Variants in RBFOX1 observed in about 807,000 individuals in gnomAD.
RBFOX1 encodes RNA binding protein fox-1 homolog 1.
Under a neutral mutation model 57.7 loss-of-function variants are expected in RBFOX1, and 8 were observed. The observed-to-expected ratio is 0.14, with a 90% CI of 0.08 to 0.25. The LOEUF (loss-of-function observed/expected upper bound fraction) is 0.25. Among genes scored for constraint, RBFOX1 ranks in the 10% least tolerant of loss-of-function variants. RBFOX1 has a pLI of 1.00. For missense variants in RBFOX1, 611 were observed against 548.5 expected (o/e 1.11, Z -1.14); for synonymous variants, 326 against 222.4 (o/e 1.47, Z -4.15).
Position 7,551,651 on chromosome 16 carries a change from G to C in RBFOX1, c.271-28126G>C, listed in dbSNP as rs997638218. On this transcript the variant is annotated intron_variant, in intron 5 of 15. Coordinates refer to ENST00000550418, the MANE Select transcript of RBFOX1 (RefSeq NM_018723.4). Reference sequence around the variant, plus strand: ...TGGAATACTGTGACCTGGAGGAGCAGGTAGGAGTTACTCTAGCTGGTTCAG... The same window carrying C: ...TGGAATACTGTGACCTGGAGGAGCACGTAGGAGTTACTCTAGCTGGTTCAG... Among the ~76,000 whole-genome samples the C allele has an allele frequency of 7.2e-5, 11 of 152,304 alleles. No individual in the cohort carries two copies. The East Asian group carries it at 1.9e-3, about 27-fold the overall frequency.
chr16:5,488,849 G>A (rs1334584510), intron 2 of RBFOX1, among the ~76,000 whole-genome samples: 1 of 152,126 alleles, frequency 6.6e-6, no homozygotes, highest in Admixed American at 6.6e-5. Context: ...GGGGTGTGAT[G>A]GTGATGATAA....
chr16:5,486,956 C>T (rs1287117454), intron 2 of RBFOX1, among the ~76,000 whole-genome samples: 1 of 152,206 alleles, frequency 6.6e-6, no homozygotes, highest in Non-Finnish European at 1.5e-5. Flanking sequence ...ATGCTCACCT[C>T]AGTGGAGACT....
At position 7,568,035 on chromosome 16, in the gene RBFOX1, A is replaced by G. The variant is rs1447703189; in HGVS notation, c.271-11742A>G. On this transcript the variant is annotated intron_variant, in intron 5 of 15. Transcript: ENST00000550418. Reference sequence around the variant, plus strand: ...ATGTATTTGAAACTTAGTTGACTCAATAATATTCCTCATTTCAAAGGATTC... The same window carrying G: ...ATGTATTTGAAACTTAGTTGACTCAGTAATATTCCTCATTTCAAAGGATTC... 3.3e-5 allele frequency among the ~76,000 whole-genome samples: 5 copies of G among 152,050 alleles called. No individual in the cohort carries two copies. The East Asian group carries it at 5.8e-4, about 18-fold the overall frequency.
At chr16:6,557,092 TACATATATAC>T (rs2097113319) in intron 2 of RBFOX1, among the ~76,000 whole-genome samples, 7 of 145,730 alleles carry the variant, frequency 4.8e-5, no homozygotes, top group African/African-American at 1.8e-4. Flanking sequence ...TACATACATA[TACATATATAC>T]ATACATATAT....
chr16:7,006,713 G>A (rs8049670), intron 3 of RBFOX1, among the ~76,000 whole-genome samples: 28,570 of 152,074 alleles, frequency 0.19, 5,403 homozygotes, highest in African/African-American at 0.48. Context: ...CTCCCAATGT[G>A]CTGGGATTAC....
At chr16:7,229,224 T>G (rs1440721690) in intron 4 of RBFOX1, among the ~76,000 whole-genome samples, 2 of 152,228 alleles carry the variant, frequency 1.3e-5, no homozygotes, top group African/African-American at 4.8e-5. Flanking sequence ...GTCCCAGTGA[T>G]GCATTGCAAT....
intron 3 of RBFOX1, among the ~76,000 whole-genome samples, chr16:6,900,842 T>C (rs762605943): frequency 6.6e-6 from 1 of 152,184 alleles, no homozygotes; most frequent in African/African-American, 2.4e-5. Flanking sequence ...TGTTGAGTGT[T>C]TGTCTTTGTG....
At chr16:5,876,161 T>C (rs1019958986) in intron 4 of RBFOX1, among the ~76,000 whole-genome samples, 5 of 152,032 alleles carry the variant, frequency 3.3e-5, no homozygotes, top group Admixed American at 1.3e-4. Flanking sequence ...AATTTTTACC[T>C]TGCATTGGGG....
chr16:7,411,913 A>T (rs113594491), intron 4 of RBFOX1, among the ~76,000 whole-genome samples: 1 of 151,354 alleles, frequency 6.6e-6, no homozygotes, highest in Non-Finnish European at 1.5e-5. Context: ...AAAAAAAAAA[A>T]AAAAAAAAAA....
chr16:6,998,218 C>T (rs1303401911), intron 3 of RBFOX1, among the ~76,000 whole-genome samples: 1 of 152,078 alleles, frequency 6.6e-6, no homozygotes, highest in African/African-American at 2.4e-5. Flanking sequence ...AGCTATGAAG[C>T]ATTTATATAT....
At chr16:6,916,000 A>C (rs899358593) in intron 3 of RBFOX1, among the ~76,000 whole-genome samples, 5 of 142,202 alleles carry the variant, frequency 3.5e-5, no homozygotes, top group African/African-American at 1.2e-4. Context: ...AAGCTGTTTT[A>C]CTGGGAAAAC....
At chr16:6,640,651 C>T (rs890122736) in intron 2 of RBFOX1, among the ~76,000 whole-genome samples, 1 of 151,918 alleles carries the variant, frequency 6.6e-6, no homozygotes, top group East Asian at 1.9e-4. Context: ...CTTTATAGAG[C>T]CAGTGTGGGA....
At chr16:5,619,351 G>T (rs2048137530) in intron 3 of RBFOX1, among the ~76,000 whole-genome samples, 1 of 152,098 alleles carries the variant, frequency 6.6e-6, no homozygotes, top group Non-Finnish European at 1.5e-5. Context: ...CCCAGGGACG[G>T]GCATGTTCAA....
At chr16:7,635,302 C>T (rs905631706) in intron 11 of RBFOX1, among the ~76,000 whole-genome samples, 1 of 152,224 alleles carries the variant, frequency 6.6e-6, no homozygotes, top group Non-Finnish European at 1.5e-5. Context: ...TCCTTATTTA[C>T]ATATGAAGTA....
At position 6,021,458 on chromosome 16, in the gene RBFOX1, G is replaced by A. The variant is rs534716920; in HGVS notation, c.-127+1466G>A. On this transcript the variant is annotated intron_variant, in intron 1 of 15. Transcript: ENST00000550418. ...TTTATTTTTAGCTAAGATCTTTTAT[G>A]TTCAGAAGCAAAGGACCTGGGGCCT... 1.2e-4 allele frequency among the ~76,000 whole-genome samples: 18 copies of A among 152,296 alleles called. No individual in the cohort carries two copies. The South Asian group carries it at 3.1e-3, about 26-fold the overall frequency.
chr16:5,258,326 A>G (rs779327652), intron 1 of RBFOX1, among the ~76,000 whole-genome samples: 2 of 152,196 alleles, frequency 1.3e-5, no homozygotes, highest in Non-Finnish European at 2.9e-5. Context: ...TTTCTGAAGT[A>G]TTTAAAAAAT....
intron 2 of RBFOX1, among the ~76,000 whole-genome samples, chr16:6,366,968 A>G (rs762031512): frequency 2.6e-5 from 4 of 152,238 alleles, no homozygotes; most frequent in Admixed American, 6.5e-5. Flanking sequence ...GAAAGTGCAC[A>G]TGACAATTTT....
At chr16:6,870,535 C>G (rs538384631) in intron 3 of RBFOX1, among the ~76,000 whole-genome samples, 7 of 152,294 alleles carry the variant, frequency 4.6e-5, no homozygotes, top group South Asian at 4.1e-4. Context: ...GTGGAACATA[C>G]TGGATCACCT....
At chr16:5,570,850 A>AAT (rs1555468110) in intron 2 of RBFOX1, among the ~76,000 whole-genome samples, 11 of 151,682 alleles carry the variant, frequency 7.3e-5, no homozygotes, top group South Asian at 2.1e-4. Context: ...AAAAAAAAAA[A>AAT]AAATAAAGCA....
Sources: allele counts gnomAD v4.1 joint callset (sites outside exome capture counted in the v4.1 genomes callset), GRCh38; gene constraint gnomAD v4.1.1; transcripts MANE v1.5; gene names NCBI Gene and HGNC (gene_info 2026-07-23, HGNC 2026-07-21).